Variants in PCDHGA9 observed in about 807,000 individuals in gnomAD.
PCDHGA9 encodes protocadherin gamma subfamily A, 9, also known as protocadherin gamma-A9.
PCDHGA9 carries 37 observed loss-of-function variants against 62.5 expected under a neutral mutation model. The observed-to-expected ratio is 0.59, with a 90% CI of 0.46 to 0.78. The LOEUF (loss-of-function observed/expected upper bound fraction) is 0.78. Ranked by LOEUF, PCDHGA9 falls within the 30% of genes least tolerant of loss-of-function variation. PCDHGA9 has a pLI of 0.00. For missense variants in PCDHGA9, 1,138 were observed against 1,166.2 expected, an observed-to-expected ratio of 0.98 and a Z score of 0.35; for synonymous variants, 459 against 484.6, an observed-to-expected ratio of 0.95 and a Z score of 0.69.
chr5:141,494,937 G>C (rs759078748), intron 2 of PCDHGA9, 72 bp downstream of exon 2: 1 of 1,612,276 alleles, frequency 6.2e-7, no homozygotes, highest in African/African-American at 1.3e-5. Flanking sequence ...GAGGAGATGG[G>C]GGAGGGCCCA....
chr5:141,447,328 C>T (rs546209008), intron 1 of PCDHGA9, among the ~76,000 whole-genome samples: 39 of 151,886 alleles, frequency 2.6e-4, no homozygotes, highest in Admixed American at 7.2e-4. Flanking sequence ...TTAGTAGAGA[C>T]GGGTTTCATC....
rs1293614874 is a variant in PCDHGA9, at chr5:141,403,237, C to T, written c.285C>T (p.Leu95=). 1 of 1,613,824 alleles carries T rather than the reference C, an allele frequency of 6.2e-7. No homozygotes were observed. Among genetic ancestry groups the T allele is most frequent in the Non-Finnish European group, 8.5e-7 (1 of 1,179,910 alleles). ...CGGGTAGGATAGACCGGGAGGAGCT[C>T]TGTGCTCAGAGCCCGCGGTGTCTGG... is the stretch of plus-strand genomic sequence containing the variant. ...VTAGRIDREE[L]CAQSPRCLVN... The change falls in exon 1 of 4, where the codon CTC becomes CTT. Residue 95 remains leucine (L), a synonymous_variant. Transcript: ENST00000573521.
Position 141,512,910 on chromosome 5 carries a change from T to C in PCDHGA9, c.*1737T>C, listed in dbSNP as rs2099884499. On this transcript the variant is annotated 3_prime_UTR_variant, in exon 4 of 4. Transcript: ENST00000573521. Reference sequence around the variant, plus strand: ...CTCTTCCTGTGTCTCACGCAAGTTTTATACTCTAATATTTATATGGCTTTT... The same window carrying C: ...CTCTTCCTGTGTCTCACGCAAGTTTCATACTCTAATATTTATATGGCTTTT... 1 of 152,274 alleles carries C rather than the reference T, an allele frequency of 6.6e-6. No homozygotes were observed. The highest frequency in any genetic ancestry group is 2.1e-4 in the South Asian group (1 of 4,836). 9.4% of individuals were successfully genotyped at this position (152,274 alleles called of 1,614,324 possible). A position where few individuals can be genotyped will look rare whatever the true frequency, so the allele number is the denominator to read the frequency against.
chr5:141,427,817 G>A, intron 1 of PCDHGA9: 2 of 1,528,134 alleles, frequency 1.3e-6, no homozygotes, highest in Non-Finnish European at 1.8e-6. Flanking sequence ...AGAGCGGGGT[G>A]GTGGTCGCGC....
At chr5:141,498,352 C>T (rs1439698389) in intron 2 of PCDHGA9, among the ~76,000 whole-genome samples, 1 of 151,772 alleles carries the variant, frequency 6.6e-6, no homozygotes, top group Non-Finnish European at 1.5e-5. Flanking sequence ...AAAGCCTATG[C>T]AAAAGCCTTG....
At chr5:141,457,330 A>G (rs2098916985) in intron 1 of PCDHGA9, among the ~76,000 whole-genome samples, 1 of 152,174 alleles carries the variant, frequency 6.6e-6, no homozygotes, top group Non-Finnish European at 1.5e-5. Flanking sequence ...GGTTACAGGT[A>G]CCTTACTTAC....
In PCDHGA9 at chr5:141,476,622, T is replaced by C. The variant is rs1480639256; in HGVS notation, c.2425-18185T>C. The C allele has an allele frequency of 6.2e-7, 1 of 1,614,238 alleles. No individual in the cohort carries two copies. The highest frequency in any genetic ancestry group is 2.2e-5 in the East Asian group (1 of 44,878). On this transcript the variant is annotated intron_variant, in intron 1 of 3. Transcript: ENST00000573521. This position sits in a 1 kb window ranked among gnomAD's most constrained non-coding sequence, Gnocchi z 7.6. ...GATCCCGATGTGGGAAGCAACTCTT[T>C]ACAAACCTATGAGCTGAGCCGAAAT...
chr5:141,474,962 A>G (rs954703806), intron 1 of PCDHGA9, among the ~76,000 whole-genome samples: 3 of 152,256 alleles, frequency 2.0e-5, no homozygotes, highest in Non-Finnish European at 4.4e-5. Flanking sequence ...CACTATCCTA[A>G]TCATTATAAT....
chr5:141,423,317 C>T, intron 1 of PCDHGA9: 4 of 1,614,118 alleles, frequency 2.5e-6, no homozygotes, highest in Non-Finnish European at 3.4e-6. Flanking sequence ...TTGGTGGTGG[C>T]GGTGGCCGCA....
chr5:141,410,341 G>A (rs759674499), intron 1 of PCDHGA9: 1 of 1,613,992 alleles, frequency 6.2e-7, no homozygotes, highest in Non-Finnish European at 8.5e-7. Context: ...CCATTGCCTT[G>A]CGCCTGCGAC....
At chr5:141,441,849 G>A (rs1192040398) in intron 1 of PCDHGA9, 2 of 345,448 alleles carry the variant, frequency 5.8e-6, no homozygotes, top group Non-Finnish European at 1.1e-5. Context: ...TCTTGGATAT[G>A]GTGCTGCACG....
At chr5:141,405,955 CCTG>C (rs1293666113) in intron 1 of PCDHGA9, among the ~76,000 whole-genome samples, 4 of 152,056 alleles carry the variant, frequency 2.6e-5, no homozygotes, top group African/African-American at 9.7e-5. Context: ...TAATAATTAA[CCTG>C]CTGTCAACGT....
chr5:141,431,973 TC>T lies in PCDHGA9; in HGVS notation c.2424+26598del, dbSNP rs770294598. 13 of 1,614,100 alleles carry T rather than the reference TC, an allele frequency of 8.1e-6. No individual in the cohort carries two copies. The highest frequency in any genetic ancestry group is 1.0e-5 in the Non-Finnish European group (12 of 1,180,038). On this transcript the variant is annotated intron_variant, in intron 1 of 3. Transcript: ENST00000573521. This position sits in a 1 kb window ranked among gnomAD's most constrained non-coding sequence, Gnocchi z 4.8. ...TCTTACGGAAATTACTATAGTTTAG[TC>T]ACAGACATAGTCTTGGATAGGGAAC...
chr5:141,478,617 G>A (rs1010415342), intron 1 of PCDHGA9: 1 of 1,556,398 alleles, frequency 6.4e-7, no homozygotes, highest in Non-Finnish European at 8.7e-7. Context: ...AGGAAGGAAT[G>A]GAGCTGTTTT....
chr5:141,448,784 C>CA (rs576464275), intron 1 of PCDHGA9, among the ~76,000 whole-genome samples: 7,532 of 145,718 alleles, frequency 0.052, 302 homozygotes, highest in African/African-American at 0.11. Flanking sequence ...ACTAAAAATA[C>CA]AAAAAAAAAA....
Position 141,487,845 on chromosome 5 carries a change from A to C in PCDHGA9, c.2425-6962A>C, listed in dbSNP as rs2099667978. ...GGGTCATGCCTATATCTGAGTAAGA[A>C]ATGAAAGTAATTGGTGATCAAGAGC... On this transcript the variant is annotated intron_variant, in intron 1 of 3. Coordinates refer to ENST00000573521, the MANE Select transcript of PCDHGA9 (RefSeq NM_018921.3). The surrounding 1 kb of genome is among the most constrained non-coding windows in gnomAD (Gnocchi z 5.0). 2.9e-6 allele frequency: 3 copies of C among 1,027,382 alleles called. No homozygotes were observed. Among genetic ancestry groups the C allele is most frequent in the Non-Finnish European group, 4.2e-6 (3 of 716,452 alleles). The allele number at this position is 1,027,382 out of a possible 1,614,324, so 63.6% of individuals were successfully genotyped here.
At chr5:141,408,248 G>A in intron 1 of PCDHGA9, 1 of 1,593,412 alleles carries the variant, frequency 6.3e-7, no homozygotes, top group East Asian at 2.3e-5. Context: ...CCCGCGGCAG[G>A]TGCTATTTCC....
At chr5:141,430,837 CG>C in intron 1 of PCDHGA9, 1 of 1,560,074 alleles carries the variant, frequency 6.4e-7, no homozygotes, top group African/African-American at 1.4e-5. Flanking sequence ...TGTGGGAGAC[CG>C]GATGCACCCA....
At chr5:141,414,020 C>A in intron 1 of PCDHGA9, 1 of 1,612,618 alleles carries the variant, frequency 6.2e-7, no homozygotes. Flanking sequence ...GGAGAAGTGA[C>A]ATATTCATTC....
Sources: allele counts gnomAD v4.1 joint callset (sites outside exome capture counted in the v4.1 genomes callset), GRCh38; gene constraint gnomAD v4.1.1; non-coding constraint Gnocchi (gnomAD v3.1); transcripts MANE v1.5; gene names NCBI Gene and HGNC (gene_info 2026-07-23, HGNC 2026-07-21).